FSTL5: variants seen among roughly 807,000 people sequenced by gnomAD.
FSTL5 encodes the protein follistatin-related protein 5.
A neutral mutation model predicts 89.1 loss-of-function variants in FSTL5; 62 were observed. That is an observed-to-expected ratio of 0.70 (90% CI 0.57 to 0.86). The LOEUF is 0.86. Ranked by LOEUF, FSTL5 falls within the 40% of genes least tolerant of loss-of-function variation. The pLI, the probability that FSTL5 is intolerant of heterozygous loss-of-function variation, is 0.00. For missense variants in FSTL5, 1,057 were observed against 1,001.6 expected (o/e 1.06, Z -0.75); for synonymous variants, 383 against 346.2 (o/e 1.11, Z -1.18).
chr4:161,937,997 C>T (rs1279925124), intron 3 of FSTL5, among the ~76,000 whole-genome samples: 2 of 152,138 alleles, frequency 1.3e-5, no homozygotes, highest in Non-Finnish European at 2.9e-5. Context: ...ATATAGGTCT[C>T]ATCTTACATG....
intron 4 of FSTL5, among the ~76,000 whole-genome samples, chr4:161,798,018 C>G (rs1729686113): frequency 6.6e-6 from 1 of 151,572 alleles, no homozygotes; most frequent in African/African-American, 2.4e-5. Flanking sequence ...TTATCCCATG[C>G]TGTGTTTGAG....
At chr4:161,590,958 T>G (rs1011984170) in intron 7 of FSTL5, among the ~76,000 whole-genome samples, 4 of 152,194 alleles carry the variant, frequency 2.6e-5, no homozygotes, top group Non-Finnish European at 4.4e-5. Context: ...TACTATTGTA[T>G]GCAAATGTAT....
At chr4:162,097,925 C>T (rs901577346) in intron 2 of FSTL5, among the ~76,000 whole-genome samples, 2 of 151,734 alleles carry the variant, frequency 1.3e-5, no homozygotes, top group Non-Finnish European at 2.9e-5. Context: ...TTTAAAAATG[C>T]CTGCACTATG....
At chr4:161,442,980 C>T (rs71610965) in intron 15 of FSTL5, among the ~76,000 whole-genome samples, 1 of 151,864 alleles carries the variant, frequency 6.6e-6, no homozygotes, top group African/African-American at 2.4e-5. Flanking sequence ...GTAATGTAAT[C>T]ATAACTTATT....
intron 3 of FSTL5, among the ~76,000 whole-genome samples, chr4:162,014,598 A>C (rs1372753519): frequency 4.6e-5 from 7 of 152,220 alleles, no homozygotes; most frequent in Admixed American, 4.6e-4. Context: ...ATATGATAGA[A>C]AGGCAGATGG....
At chr4:162,006,181 G>C (rs1029291566) in intron 3 of FSTL5, among the ~76,000 whole-genome samples, 2 of 151,690 alleles carry the variant, frequency 1.3e-5, no homozygotes, top group Non-Finnish European at 2.9e-5. Flanking sequence ...AATTTAATTT[G>C]CTTATGCTTT....
chr4:161,410,901 G>T (rs1446194907), intron 15 of FSTL5, among the ~76,000 whole-genome samples: 1 of 149,888 alleles, frequency 6.7e-6, no homozygotes. Context: ...TAATGAAATT[G>T]AAATGTAAAA....
chr4:162,026,304 C>CTTGTTTTTTTTTTTTTTTTTT (rs1737281262), intron 3 of FSTL5, among the ~76,000 whole-genome samples: 1 of 79,472 alleles, frequency 1.3e-5, no homozygotes, highest in Non-Finnish European at 2.2e-5. Flanking sequence ...TATGTATTTT[C>CTTGTTTTTTTTTTTTTTTTTT]TTTTTTTTTT....
At chr4:161,657,280 C>G (rs908658202) in intron 6 of FSTL5, among the ~76,000 whole-genome samples, 4 of 152,166 alleles carry the variant, frequency 2.6e-5, no homozygotes, top group African/African-American at 7.2e-5. Context: ...AGGATAATGT[C>G]TGCCAATTCT....
chr4:162,143,746 A>ACC (rs869104453), intron 1 of FSTL5, among the ~76,000 whole-genome samples: 6 of 4,960 alleles, frequency 1.2e-3, no homozygotes, highest in African/African-American at 1.8e-3. Context: ...ACACACACAC[A>ACC]CACCCAGGAA....
intron 2 of FSTL5, among the ~76,000 whole-genome samples, chr4:162,075,005 A>G (rs1186935331): frequency 6.6e-6 from 1 of 151,772 alleles, no homozygotes; most frequent in Non-Finnish European, 1.5e-5. Context: ...ACTGAAAGTA[A>G]AAAACATAAC....
chr4:161,910,621 T>C (rs1262703894), intron 4 of FSTL5, among the ~76,000 whole-genome samples: 1 of 152,106 alleles, frequency 6.6e-6, no homozygotes. Context: ...GCAAATTAGG[T>C]CAGATAGTCT....
At chr4:161,766,177 A>G (rs990730883) in intron 5 of FSTL5, among the ~76,000 whole-genome samples, 4 of 152,214 alleles carry the variant, frequency 2.6e-5, no homozygotes, top group Non-Finnish European at 5.9e-5. Flanking sequence ...TACTCAACGC[A>G]GCTGCTTATC....
At chr4:161,481,954 G>A (rs939050956) in intron 12 of FSTL5, among the ~76,000 whole-genome samples, 5 of 152,144 alleles carry the variant, frequency 3.3e-5, no homozygotes, top group South Asian at 2.1e-4. Context: ...ATGTTTTCAC[G>A]TTTTCTTTTA....
At chr4:162,112,246 T>TA (rs140607740) in intron 1 of FSTL5, among the ~76,000 whole-genome samples, 6,694 of 152,190 alleles carry the variant, frequency 0.044, 250 homozygotes, top group East Asian at 0.13. Flanking sequence ...TTGGGAAACT[T>TA]AATCAATTGA....
At chr4:162,150,576 A>G (rs1305943225) in intron 1 of FSTL5, among the ~76,000 whole-genome samples, 1 of 152,192 alleles carries the variant, frequency 6.6e-6, no homozygotes, top group Non-Finnish European at 1.5e-5. Flanking sequence ...AAGAATTACT[A>G]CCAGAAAAAA....
At chr4:162,110,576 T>C (rs989070940) in intron 2 of FSTL5, among the ~76,000 whole-genome samples, 31 of 151,956 alleles carry the variant, frequency 2.0e-4, no homozygotes, top group African/African-American at 7.5e-4. Flanking sequence ...TTTTCCTACT[T>C]TCTTAAAACT....
rs139299008 is a variant in FSTL5 at position 161,440,981 on chromosome 4, A to T, written c.1841+14023T>A. ...TTTACCTACCTGATACTTATAAGGT[A>T]ATAAGCACACAAGTTTATTATTTGA... On this transcript the variant is annotated intron_variant, in intron 15 of 15. Transcript: ENST00000306100. Among the ~76,000 whole-genome samples the T allele has an allele frequency of 2.2e-3, 337 of 152,280 alleles. 1 individual carries two copies. Among genetic ancestry groups the T allele is most frequent in the South Asian group, 0.021 (100 of 4,832 alleles).
chr4:161,834,656 T>C (rs1451353261), intron 4 of FSTL5, among the ~76,000 whole-genome samples: 2 of 151,790 alleles, frequency 1.3e-5, no homozygotes, highest in Non-Finnish European at 1.5e-5. Flanking sequence ...TATACACCAA[T>C]AACAGACAAA....
Sources: allele counts gnomAD v4.1 joint callset (sites outside exome capture counted in the v4.1 genomes callset), GRCh38; gene constraint gnomAD v4.1.1; transcripts MANE v1.5; gene names NCBI Gene and HGNC (gene_info 2026-07-23, HGNC 2026-07-21).